TMTC2: variants seen among roughly 807,000 people sequenced by gnomAD.
TMTC2 encodes the protein protein O-mannosyl-transferase TMTC2.
A neutral mutation model predicts 82.4 loss-of-function variants in TMTC2; 43 were observed. That is an observed-to-expected ratio of 0.52 (90% CI 0.41 to 0.67). The LOEUF (loss-of-function observed/expected upper bound fraction) is 0.67, where lower values mean the gene tolerates loss of function less well. TMTC2 is among the 30% of genes least tolerant of loss of function. TMTC2 has a pLI of 0.00. For missense variants in TMTC2, 919 were observed against 1,012.4 expected (o/e 0.91, Z 1.25); for synonymous variants, 408 against 381.9 (o/e 1.07, Z -0.80).
intron 1 of TMTC2, among the ~76,000 whole-genome samples, chr12:82,824,241 A>G (rs1378208456): frequency 3.9e-5 from 6 of 152,118 alleles, no homozygotes; most frequent in African/African-American, 1.4e-4. Flanking sequence ...CTTATAATGT[A>G]TGTTATAGAG....
intron 11 of TMTC2, among the ~76,000 whole-genome samples, chr12:83,097,660 A>G (rs986053743): frequency 6.6e-6 from 1 of 152,250 alleles, no homozygotes; most frequent in African/African-American, 2.4e-5. Flanking sequence ...TAATCAAATG[A>G]TGCATGCTAT....
chr12:82,947,028 C>A (rs1877046502), intron 4 of TMTC2, among the ~76,000 whole-genome samples: 1 of 151,988 alleles, frequency 6.6e-6, no homozygotes. Flanking sequence ...AGACGTGAGC[C>A]ACCGCACCCG....
intron 1 of TMTC2, among the ~76,000 whole-genome samples, chr12:82,782,510 G>A (rs1352092595): frequency 6.6e-6 from 1 of 152,040 alleles, no homozygotes; most frequent in African/African-American, 2.4e-5. Context: ...GAGCTCTTTG[G>A]CCAATACTGT....
At chr12:82,899,589 G>T (rs1565799952) in intron 3 of TMTC2, among the ~76,000 whole-genome samples, 1 of 115,592 alleles carries the variant, frequency 8.7e-6, no homozygotes, top group Admixed American at 8.7e-5. Context: ...ATATATATAA[G>T]AATATATATA....
At chr12:82,768,248 A>G (rs1877086206) in intron 1 of TMTC2, among the ~76,000 whole-genome samples, 1 of 152,366 alleles carries the variant, frequency 6.6e-6, no homozygotes, top group South Asian at 2.1e-4. Flanking sequence ...CTCCCTCTGC[A>G]GTTGCATCTG....
chr12:82,907,173 A>C (rs1874361493), intron 3 of TMTC2, among the ~76,000 whole-genome samples: 1 of 152,246 alleles, frequency 6.6e-6, no homozygotes, highest in Middle Eastern at 3.4e-3. Context: ...GCCTTTAAGA[A>C]TGAATTGGGG....
intron 1 of TMTC2, among the ~76,000 whole-genome samples, chr12:82,783,433 T>C (rs1023036977): frequency 6.6e-6 from 1 of 151,956 alleles, no homozygotes; most frequent in African/African-American, 2.4e-5. Flanking sequence ...GAGGCAAACC[T>C]TCCCTTTTGT....
intron 7 of TMTC2, among the ~76,000 whole-genome samples, chr12:82,982,107 T>C (rs1372855236): frequency 6.6e-6 from 1 of 151,582 alleles, no homozygotes; most frequent in African/African-American, 2.4e-5. Context: ...GTAGGGATAA[T>C]GTAAAGGTAG....
At chr12:83,087,834 G>A (rs558070175) in intron 11 of TMTC2, among the ~76,000 whole-genome samples, 13 of 152,250 alleles carry the variant, frequency 8.5e-5, no homozygotes, top group African/African-American at 3.1e-4. Flanking sequence ...AATTTGTAAG[G>A]GCCCTAGGAG....
intron 2 of TMTC2, among the ~76,000 whole-genome samples, chr12:82,885,019 T>C (rs1035752474): frequency 6.6e-6 from 1 of 151,900 alleles, no homozygotes; most frequent in East Asian, 1.9e-4. Flanking sequence ...TCAGCCTCTC[T>C]TGTAGCTGGG....
intron 11 of TMTC2, among the ~76,000 whole-genome samples, chr12:83,120,427 A>G (rs1884912340): frequency 6.6e-6 from 1 of 152,222 alleles, no homozygotes; most frequent in Admixed American, 6.5e-5. Flanking sequence ...GTTTTGCTAG[A>G]TACAAAATTC....
intron 11 of TMTC2, among the ~76,000 whole-genome samples, chr12:83,065,581 C>T (rs529605518): frequency 1.3e-5 from 2 of 151,854 alleles, no homozygotes; most frequent in Admixed American, 1.3e-4. Flanking sequence ...AAACATGTTT[C>T]TATAATAGGA....
chr12:82,732,348 GTTTT>G (rs910227504), intron 1 of TMTC2, among the ~76,000 whole-genome samples: 1 of 147,678 alleles, frequency 6.8e-6, no homozygotes, highest in Admixed American at 6.8e-5. Flanking sequence ...TTCTCATCAT[GTTTT>G]TTTTTTATGA....
chr12:82,928,226 G>C (rs1483411160), intron 3 of TMTC2, among the ~76,000 whole-genome samples: 2 of 151,748 alleles, frequency 1.3e-5, no homozygotes, highest in African/African-American at 4.8e-5. Context: ...GGATTTCCTG[G>C]TGCTTAAATT....
intron 4 of TMTC2, among the ~76,000 whole-genome samples, chr12:82,932,413 TACTC>T (rs1218672093): frequency 6.6e-6 from 1 of 152,158 alleles, no homozygotes; most frequent in Non-Finnish European, 1.5e-5. Flanking sequence ...TCCTTCTACT[TACTC>T]CTCTTCTGTG....
At chr12:83,061,669 C>T (rs1882745880) in intron 10 of TMTC2, 99 bp from the exon 11 acceptor site, 1 of 1,059,244 alleles carries the variant, frequency 9.4e-7, no homozygotes. Context: ...TTGGTGTGAC[C>T]AGAATTTTTT....
At position 82,743,484 on chromosome 12, in the gene TMTC2, T is replaced by G. The variant is rs1196900441; in HGVS notation, c.83+55815T>G. ...AAAGAAAAAGCAGATATATGGCTTTTAGTACCATGTTAGACAAGAACTGCC... is the reference window on the plus strand; with the variant it reads ...AAAGAAAAAGCAGATATATGGCTTTGAGTACCATGTTAGACAAGAACTGCC... On this transcript the variant is annotated intron_variant, in intron 1 of 11. Coordinates refer to ENST00000321196, the MANE Select transcript of TMTC2 (RefSeq NM_152588.3). 3.3e-5 allele frequency among the ~76,000 whole-genome samples: 5 copies of G among 152,092 alleles called. No individual in the cohort carries two copies. In the East Asian group the frequency reaches 9.6e-4, roughly 29 times the overall value.
chr12:82,769,767 T>G (rs1372714884), intron 1 of TMTC2, among the ~76,000 whole-genome samples: 2 of 152,074 alleles, frequency 1.3e-5, no homozygotes, highest in Admixed American at 6.6e-5. Context: ...TGTACCACCA[T>G]GCCCAGCTAA....
At position 82,757,203 on chromosome 12, in the gene TMTC2, A is replaced by G. The variant is rs888365047; in HGVS notation, c.83+69534A>G. Among the ~76,000 whole-genome samples, 27 of 152,182 alleles carry G rather than the reference A, an allele frequency of 1.8e-4. 1 individual carries two copies. The highest frequency in any genetic ancestry group is 8.8e-5 in the Non-Finnish European group (6 of 68,022). ...TCCACTGGGAATCTATTAGGAAGCA[A>G]ATGAGAGCCTCCTCCAGAGATCTTT... On this transcript the variant is annotated intron_variant, in intron 1 of 11. Transcript: ENST00000321196.
Sources: allele counts gnomAD v4.1 joint callset (sites outside exome capture counted in the v4.1 genomes callset), GRCh38; gene constraint gnomAD v4.1.1; transcripts MANE v1.5; gene names NCBI Gene and HGNC (gene_info 2026-07-23, HGNC 2026-07-21).